SDK1: variants seen among roughly 807,000 people sequenced by gnomAD.
SDK1 encodes sidekick cell adhesion molecule 1.
SDK1 carries 157 observed loss-of-function variants against 245.5 expected under a neutral mutation model. The observed-to-expected ratio is 0.64, with a 90% CI of 0.56 to 0.73. The LOEUF (loss-of-function observed/expected upper bound fraction) is 0.73. Ranked by LOEUF, SDK1 falls within the 30% of genes least tolerant of loss-of-function variation. The pLI, the probability that SDK1 is intolerant of heterozygous loss-of-function variation, is 0.00. For synonymous variants in SDK1, 1,647 were observed against 1,278.5 expected (o/e 1.29, Z -6.15); for missense variants, 3,583 against 3,002.3 (o/e 1.19, Z -4.52).
At chr7:3,603,643 C>G (rs1341210200) in intron 1 of SDK1, among the ~76,000 whole-genome samples, 1 of 152,154 alleles carries the variant, frequency 6.6e-6, no homozygotes, top group Non-Finnish European at 1.5e-5. Flanking sequence ...GACAATTTGA[C>G]TTCCTTTTTT....
intron 4 of SDK1, among the ~76,000 whole-genome samples, chr7:3,792,501 C>T (rs1372990268): frequency 6.6e-6 from 1 of 152,240 alleles, no homozygotes; most frequent in African/African-American, 2.4e-5. Context: ...TAACCTGTGT[C>T]ATTCATGTTA....
chr7:3,867,211 A>G (rs1027547326), intron 5 of SDK1, among the ~76,000 whole-genome samples: 4 of 152,202 alleles, frequency 2.6e-5, no homozygotes, highest in Admixed American at 2.0e-4. Flanking sequence ...TTTGTTCTGA[A>G]GAGATGAGTT....
chr7:4,151,364 T>G (rs1295278038), intron 30 of SDK1, among the ~76,000 whole-genome samples: 1 of 152,196 alleles, frequency 6.6e-6, no homozygotes, highest in Non-Finnish European at 1.5e-5. Context: ...GAATGGTCCC[T>G]GCGCACGGGG....
rs200303832 is a variant in SDK1, at chr7:3,590,300, C to CTTTTTTTTT, written c.299-28767_299-28759dup. ...TCAACTTTCACCTCCTTTCCTGTTC[C>CTTTTTTTTT]TTTTTTTTTTTTTTTTTTTTTGCTT... On this transcript the variant is annotated intron_variant, in intron 1 of 44. Coordinates refer to ENST00000404826, the MANE Select transcript of SDK1 (RefSeq NM_152744.4). Among the ~76,000 whole-genome samples, 339 of 96,156 alleles carry CTTTTTTTTT rather than the reference C, an allele frequency of 3.5e-3. 1 individual carries two copies. Among genetic ancestry groups the CTTTTTTTTT allele is most frequent in the African/African-American group, 3.7e-3 (96 of 25,968 alleles). The allele number at this position is 96,156 out of a possible 152,430, so 63.1% of individuals were successfully genotyped here.
chr7:3,924,020 T>G (rs923728977), intron 5 of SDK1, among the ~76,000 whole-genome samples: 1 of 152,170 alleles, frequency 6.6e-6, no homozygotes, highest in East Asian at 1.9e-4. Context: ...TATTTTTTCT[T>G]TGGATATTTC....
chr7:3,780,126 A>C (rs915430589), intron 4 of SDK1, among the ~76,000 whole-genome samples: 11 of 152,158 alleles, frequency 7.2e-5, no homozygotes, highest in African/African-American at 2.7e-4. Flanking sequence ...TGTGATCTGC[A>C]TAATTCAATG....
intron 43 of SDK1, among the ~76,000 whole-genome samples, chr7:4,242,892 G>A (rs1372549681): frequency 6.6e-6 from 1 of 152,202 alleles, no homozygotes; most frequent in Non-Finnish European, 1.5e-5. Context: ...CCGAGGCACG[G>A]GTGGGCCTTC....
intron 5 of SDK1, among the ~76,000 whole-genome samples, chr7:3,826,203 C>G (rs989875769): frequency 5.3e-5 from 8 of 152,180 alleles, no homozygotes; most frequent in African/African-American, 1.9e-4. Context: ...AAGCCTTGAG[C>G]ATTTACTCCT....
rs574332519 is a variant in SDK1, at chr7:3,663,241, T to C, written c.713+21136T>C. On this transcript the variant is annotated intron_variant, in intron 4 of 44. Transcript: ENST00000404826. ...TGATACTTACTTTTAGAGTAAGATA[T>C]ATAATGATAATAGTACAGTGTCCTA... 1.2e-3 allele frequency among the ~76,000 whole-genome samples: 190 copies of C among 152,350 alleles called. 1 individual carries two copies. Among genetic ancestry groups the C allele is most frequent in the African/African-American group, 4.5e-3 (186 of 41,590 alleles).
At chr7:3,640,649 G>A (rs938917585) in intron 3 of SDK1, among the ~76,000 whole-genome samples, 2 of 151,894 alleles carry the variant, frequency 1.3e-5, no homozygotes, top group African/African-American at 2.4e-5. Flanking sequence ...GCTTAATTAT[G>A]TTTTTGTTTC....
At chr7:3,414,456 A>C (rs1485607089) in intron 1 of SDK1, among the ~76,000 whole-genome samples, 1 of 152,016 alleles carries the variant, frequency 6.6e-6, no homozygotes, top group Non-Finnish European at 1.5e-5. Context: ...AAATCTGGAG[A>C]ATGTTTGTTT....
intron 4 of SDK1, among the ~76,000 whole-genome samples, chr7:3,788,255 G>A (rs1165771963): frequency 1.3e-5 from 2 of 152,154 alleles, no homozygotes; most frequent in Non-Finnish European, 2.9e-5. Context: ...ACCTTCATAC[G>A]CACGCTTGTC....
chr7:3,700,434 A>C (rs1784707690), intron 4 of SDK1, among the ~76,000 whole-genome samples: 1 of 152,192 alleles, frequency 6.6e-6, no homozygotes, highest in African/African-American at 2.4e-5. Context: ...GTGTAGGATA[A>C]GGGACTTAAA....
chr7:3,799,978 C>A (rs1363014282), intron 4 of SDK1, among the ~76,000 whole-genome samples: 1 of 151,896 alleles, frequency 6.6e-6, no homozygotes, highest in African/African-American at 2.4e-5. Context: ...TATTCCTTTC[C>A]CAGAACTTTG....
rs563967557 is a variant in SDK1, at chr7:3,367,389, T to G, written c.298+65505T>G. Among the ~76,000 whole-genome samples the G allele has an allele frequency of 1.1e-3, 166 of 152,326 alleles. 1 individual carries two copies. The highest frequency in any genetic ancestry group is 3.7e-3 in the African/African-American group (153 of 41,564). ...ACTTTTTATGTTTGCATTCTCTAGC[T>G]GCTCACTTTTTTTGACTATATTTCA... is the stretch of plus-strand genomic sequence containing the variant. On this transcript the variant is annotated intron_variant, in intron 1 of 44. Transcript: ENST00000404826.
intron 1 of SDK1, among the ~76,000 whole-genome samples, chr7:3,568,339 G>C (rs1779993109): frequency 6.6e-6 from 1 of 152,078 alleles, no homozygotes. Context: ...AAATAATGTT[G>C]TTCTTCTCAG....
chr7:3,445,251 A>C (rs1375220290), intron 1 of SDK1, among the ~76,000 whole-genome samples: 1 of 152,184 alleles, frequency 6.6e-6, no homozygotes, highest in African/African-American at 2.4e-5. Flanking sequence ...GATAAAACTT[A>C]TATGCATTTG....
intron 4 of SDK1, among the ~76,000 whole-genome samples, chr7:3,669,221 A>G (rs1783622506): frequency 6.6e-6 from 1 of 152,254 alleles, no homozygotes; most frequent in African/African-American, 2.4e-5. Flanking sequence ...ATCCCAAATT[A>G]TAAGAGCATG....
At chr7:3,661,777 G>T (rs1329844779) in intron 4 of SDK1, among the ~76,000 whole-genome samples, 1 of 152,160 alleles carries the variant, frequency 6.6e-6, no homozygotes, top group Non-Finnish European at 1.5e-5. Flanking sequence ...GACCCTGGCT[G>T]TGATACCTAA....
Sources: gnomAD v4.1 joint callset for allele counts (sites outside exome capture counted in the v4.1 genomes callset) on GRCh38, gnomAD v4.1.1 for gene constraint, MANE v1.5 for transcripts, NCBI Gene and HGNC (gene_info 2026-07-23, HGNC 2026-07-21) for gene names.